The following SMARCAD1 variants were observed in gnomAD, a reference collection of about 807,000 sequenced individuals.
The protein encoded by SMARCAD1 is SWI/SNF-related matrix-associated actin-dependent regulator of chromatin subfamily A containing DEAD/H box 1.
Under a neutral mutation model 127.1 loss-of-function variants are expected in SMARCAD1, and 25 were observed. The observed-to-expected ratio is 0.20, with a 90% CI of 0.14 to 0.27. The LOEUF is 0.27. Ranked by LOEUF, SMARCAD1 falls within the 10% of genes least tolerant of loss-of-function variation. SMARCAD1 has a pLI of 1.00. For missense variants in SMARCAD1, 807 were observed against 1,206.0 expected (o/e 0.67, Z 4.90); for synonymous variants, 400 against 396.9 (o/e 1.01, Z -0.09).
intron 16 of SMARCAD1, among the ~76,000 whole-genome samples, chr4:94,277,709 G>A (rs768265911): frequency 6.6e-6 from 1 of 152,090 alleles, no homozygotes; most frequent in Non-Finnish European, 1.5e-5. Flanking sequence ...TTTCAATACC[G>A]CAGTGTTTAC....
In SMARCAD1 at chr4:94,270,731, G is replaced by A; in HGVS notation, c.1485G>A (p.Leu495=). 6.2e-7 allele frequency: 1 copy of A among 1,612,842 alleles called. No individual in the cohort carries two copies. Among genetic ancestry groups the A allele is most frequent in the Non-Finnish European group, 8.5e-7 (1 of 1,179,026 alleles). The part of the protein sequence containing the change: ...IEQPSILNQS[L]SLKPYQKVGL... ...TTGGTAACTCTCTCTTTACCAGTTT[G>A]TCACTCAAGCCCTATCAGAAGGTTG... Residue 495 remains leucine, a synonymous_variant, in exon 11 of 24, where the codon TTG becomes TTA. Transcript: ENST00000354268.
intron 9 of SMARCAD1, chr4:94,253,344 A>T (rs1296894739): frequency 7.6e-7 from 1 of 1,320,046 alleles, no homozygotes; most frequent in Admixed American, 2.3e-5. Flanking sequence ...GCCTGTTCTG[A>T]TCTGTTACTG....
intron 9 of SMARCAD1, among the ~76,000 whole-genome samples, chr4:94,256,243 A>G (rs1460100088): frequency 6.6e-6 from 1 of 152,158 alleles, no homozygotes; most frequent in Non-Finnish European, 1.5e-5. Flanking sequence ...CATTTAGATC[A>G]GTGTAGATCC....
chr4:94,283,405 T>C (rs899605912), intron 22 of SMARCAD1, 102 bp downstream of exon 22: 1 of 1,132,414 alleles, frequency 8.8e-7, no homozygotes, highest in African/African-American at 1.5e-5. Context: ...TTTTTGTTTT[T>C]TCGGCAAAGC....
chr4:94,273,515 A>G (rs949576561), intron 11 of SMARCAD1, 102 bp from the exon 12 acceptor site: 35 of 855,306 alleles, frequency 4.1e-5, no homozygotes, highest in Middle Eastern at 3.4e-4. Flanking sequence ...TGGGAAATCA[A>G]AAGTGAATAC....
Position 94,273,684 on chromosome 4 carries a change from C to T in SMARCAD1, c.1640C>T (p.Pro547Leu). Residue 547 changes from proline to leucine, a missense_variant, in exon 12 of 24, where the codon CCT becomes CTT. Around this residue, in one of 8 missense-constraint regions of SMARCAD1, gnomAD observed 148 missense variants for 313.2 expected, o/e 0.47. Transcript: ENST00000354268. The part of the protein sequence containing the change: ...AYLYQEGNNG[P>L]HLIVVPASTI... ...CTCTATCAGGAGGGTAATAATGGTC[C>T]TCATTTGATCGTTGTTCCAGCTTCA... 1.2e-6 allele frequency: 2 copies of T among 1,613,688 alleles called. No individual in the cohort carries two copies. Among genetic ancestry groups the T allele is most frequent in the Middle Eastern group, 1.7e-4 (1 of 6,056 alleles).
intron 22 of SMARCAD1, among the ~76,000 whole-genome samples, chr4:94,284,201 C>T (rs927662995): frequency 5.3e-5 from 8 of 151,090 alleles, no homozygotes; most frequent in Non-Finnish European, 7.4e-5. Context: ...GTGGCAGGCG[C>T]CTGTAGTCCC....
In SMARCAD1 at chr4:94,290,318, T is replaced by A; in HGVS notation, c.*784T>A. On this transcript the variant is annotated 3_prime_UTR_variant, in exon 24 of 24. Coordinates refer to ENST00000354268, the MANE Select transcript of SMARCAD1 (RefSeq NM_020159.5). ...TTCCCTCTCCCGGCTTTTGCTTCTC[T>A]TGAAACTGTTGCCCAGTCACTTCTG... 2.2e-6 allele frequency: 1 copy of A among 454,542 alleles called. No individual in the cohort carries two copies. The highest frequency in any genetic ancestry group is 4.4e-6 in the Non-Finnish European group (1 of 226,768). The allele number at this position is 454,542 out of a possible 1,614,324, so 28.2% of individuals were successfully genotyped here. A position where few individuals can be genotyped will look rare whatever the true frequency, so the allele number is the denominator to read the frequency against.
chr4:94,256,359 GT>G (rs1750075678), intron 9 of SMARCAD1, among the ~76,000 whole-genome samples: 1 of 151,676 alleles, frequency 6.6e-6, no homozygotes, highest in South Asian at 2.1e-4. Flanking sequence ...TTCTTTTTTG[GT>G]TTTTGTTTTG....
chr4:94,220,215 G>C (rs939573120), intron 2 of SMARCAD1, among the ~76,000 whole-genome samples: 4 of 152,088 alleles, frequency 2.6e-5, no homozygotes, highest in Admixed American at 2.6e-4. Context: ...CCAGTATGTT[G>C]ATATATTATA....
intron 14 of SMARCAD1, among the ~76,000 whole-genome samples, chr4:94,275,867 G>A (rs1345533853): frequency 6.8e-6 from 1 of 146,384 alleles, no homozygotes; most frequent in Non-Finnish European, 1.5e-5. Context: ...CGCGATCTCA[G>A]CTTACTGCAA....
At chr4:94,213,370 AATAT>A (rs1742597128) in intron 2 of SMARCAD1, among the ~76,000 whole-genome samples, 1 of 152,116 alleles carries the variant, frequency 6.6e-6, no homozygotes, top group South Asian at 2.1e-4. Context: ...GAGAGTTGAA[AATAT>A]ATGTTGCCTC....
chr4:94,253,760 T>A (rs1367528692), intron 9 of SMARCAD1: 2 of 853,168 alleles, frequency 2.3e-6, no homozygotes, highest in African/African-American at 3.7e-5. Flanking sequence ...GTTTTATGAA[T>A]GCCAACAGTC....
intron 3 of SMARCAD1, 38 bp downstream of exon 3, chr4:94,226,334 G>A (rs1054812532): frequency 1.9e-6 from 3 of 1,541,420 alleles, no homozygotes; most frequent in Non-Finnish European, 1.8e-6. Context: ...TTGCATGTGT[G>A]TGAGATTTTC....
rs534711902 is a variant in SMARCAD1 at position 94,226,132 on chromosome 4, T to C, written c.204T>C (p.Val68=). 6.2e-7 allele frequency: 1 copy of C among 1,610,338 alleles called. No homozygotes were observed. The highest frequency in any genetic ancestry group is 2.2e-5 in the East Asian group (1 of 44,728). ...ATTCTCTTGCAGAAGATTCTAGTGT[T>C]CCAGAAACTCCAGATAATGAAAGAA... The part of the protein sequence containing the change: ...DITEKTEDSS[V]PETPDNERKA... The change falls in exon 3 of 24, where the codon GTT becomes GTC. Residue 68 remains valine (V), a synonymous_variant. Transcript: ENST00000354268.
intron 10 of SMARCAD1, among the ~76,000 whole-genome samples, chr4:94,266,333 T>C (rs1329294350): frequency 1.3e-5 from 2 of 152,102 alleles, no homozygotes; most frequent in Admixed American, 6.6e-5. Flanking sequence ...ATTCACAAAG[T>C]CCTGTTACTT....
intron 22 of SMARCAD1, among the ~76,000 whole-genome samples, chr4:94,284,384 C>T (rs1403543260): frequency 7.9e-6 from 1 of 126,448 alleles, no homozygotes; most frequent in Non-Finnish European, 1.7e-5. Flanking sequence ...GAACACAGAA[C>T]TGTTTGTTGT....
chr4:94,222,878 C>G (rs1325963995), intron 2 of SMARCAD1, among the ~76,000 whole-genome samples: 2 of 152,092 alleles, frequency 1.3e-5, no homozygotes, highest in Non-Finnish European at 2.9e-5. Context: ...GCAGGAGAAT[C>G]ACTTGAACCC....
chr4:94,281,811 A>G (rs1219359181), intron 21 of SMARCAD1, among the ~76,000 whole-genome samples: 2 of 151,998 alleles, frequency 1.3e-5, no homozygotes, highest in African/African-American at 4.8e-5. Flanking sequence ...GGTTGGGCTC[A>G]GGAGTTCAAG....
Sources: allele counts gnomAD v4.1 joint callset (sites outside exome capture counted in the v4.1 genomes callset), GRCh38; gene constraint gnomAD v4.1.1; regional missense constraint gnomAD v4.1.1; transcripts MANE v1.5; gene names NCBI Gene and HGNC (gene_info 2026-07-23, HGNC 2026-07-21).